The following HDX variants were observed in gnomAD, a reference collection of about 807,000 sequenced individuals.
The protein encoded by HDX is highly divergent homeobox, also known as chromosome X open reading frame 43.
Under a neutral mutation model 45.2 loss-of-function variants are expected in HDX, and 19 were observed. The observed-to-expected ratio is 0.42, with a 90% CI of 0.29 to 0.62. The LOEUF (loss-of-function observed/expected upper bound fraction) is 0.62. Ranked by LOEUF, HDX falls within the 20% of genes least tolerant of loss-of-function variation. The pLI is 0.20. For synonymous variants in HDX, 188 were observed against 172.8 expected, an observed-to-expected ratio of 1.09 and a Z score of -0.69; for missense variants, 532 against 493.9, an observed-to-expected ratio of 1.08 and a Z score of -0.73.
At chrX:84,430,365 T>G (rs935505204) in intron 5 of HDX, among the ~76,000 whole-genome samples, 2 of 111,162 alleles carry the variant, frequency 1.8e-5, no homozygotes. Context: ...TTTCTTATGG[T>G]TGAATAGTAT....
At chrX:84,388,922 C>A (rs995596004) in intron 5 of HDX, among the ~76,000 whole-genome samples, 3 of 111,547 alleles carry the variant, frequency 2.7e-5, no homozygotes, top group African/African-American at 9.8e-5. Context: ...GTGCTTATTT[C>A]TCATCTGAGA....
chrX:84,455,710 A>T (rs2040097512), intron 4 of HDX, among the ~76,000 whole-genome samples: 1 of 111,934 alleles, frequency 8.9e-6, no homozygotes, highest in Non-Finnish European at 1.9e-5. Context: ...ATTAATATTC[A>T]ACTATAAGAA....
intron 5 of HDX, among the ~76,000 whole-genome samples, chrX:84,366,460 T>C (rs1569297619): frequency 8.9e-6 from 1 of 111,797 alleles, no homozygotes; most frequent in East Asian, 2.8e-4. Context: ...ATTGACTTTC[T>C]TCACAAAATT....
At chrX:84,332,088 T>C (rs1022059504) in intron 9 of HDX, among the ~76,000 whole-genome samples, 1 of 111,657 alleles carries the variant, frequency 9.0e-6, no homozygotes, top group African/African-American at 3.2e-5. Flanking sequence ...ATTACTAAAC[T>C]GGTAGAGCTT....
intron 5 of HDX, among the ~76,000 whole-genome samples, chrX:84,417,020 T>A (rs55949941): frequency 0.069 from 7,513 of 108,365 alleles, 322 homozygotes; most frequent in African/African-American, 0.16. Context: ...CCGGGCATGG[T>A]GGTGGGAGCC....
chrX:84,432,807 G>T (rs1207251754), intron 5 of HDX, among the ~76,000 whole-genome samples: 1 of 110,599 alleles, frequency 9.0e-6, no homozygotes, highest in Non-Finnish European at 1.9e-5. Flanking sequence ...TACTTGGATG[G>T]TTTTTATTTC....
chrX:84,492,022 T>A (rs968879495), intron 1 of HDX, among the ~76,000 whole-genome samples: 1 of 111,337 alleles, frequency 9.0e-6, no homozygotes, highest in African/African-American at 3.3e-5. Flanking sequence ...TCTCCTTCAC[T>A]GTGCAATGTT....
At chrX:84,402,499 AT>A (rs764394999) in intron 5 of HDX, among the ~76,000 whole-genome samples, 1 of 111,951 alleles carries the variant, frequency 8.9e-6, no homozygotes, top group African/African-American at 3.2e-5. Context: ...CCTTTTCAGA[AT>A]TTCATATAAA....
At chrX:84,359,118 T>G (rs1043572662) in intron 6 of HDX, among the ~76,000 whole-genome samples, 1 of 111,327 alleles carries the variant, frequency 9.0e-6, no homozygotes, top group African/African-American at 3.3e-5. Flanking sequence ...CTTTCAAAAT[T>G]TTATCTTTTA....
chrX:84,332,632 A>G (rs1225774547), intron 9 of HDX, among the ~76,000 whole-genome samples: 3 of 111,036 alleles, frequency 2.7e-5, no homozygotes, highest in African/African-American at 9.8e-5. Flanking sequence ...AGTTTCCACA[A>G]CCTGTGCCAA....
Position 84,318,653 on chromosome X carries a change from A to T in HDX, c.*3236T>A, listed in dbSNP as rs1188820471. 1 of 111,370 alleles carries T rather than the reference A, an allele frequency of 9.0e-6. No individual in the cohort carries two copies. The highest frequency in any genetic ancestry group is 9.5e-5 in the Admixed American group (1 of 10,479). 9.2% of individuals were successfully genotyped at this position (111,370 alleles called of 1,213,427 possible). A position where few individuals can be genotyped will look rare whatever the true frequency, so the allele number is the denominator to read the frequency against. ...CTTATGTTTTCTCCTACAAACTTAC[A>T]GACTGCTGAATATGAAAGTGCCTCA... On this transcript the variant is annotated 3_prime_UTR_variant, in exon 11 of 11. Transcript: ENST00000373177.
chrX:84,499,328 TAA>T (rs988637998), intron 1 of HDX, among the ~76,000 whole-genome samples: 47 of 111,444 alleles, frequency 4.2e-4, no homozygotes, highest in Non-Finnish European at 2.1e-4. Flanking sequence ...AAACAAGCCT[TAA>T]AAAACGCATG....
chrX:84,420,555 G>C (rs763470810), intron 5 of HDX, among the ~76,000 whole-genome samples: 3 of 112,079 alleles, frequency 2.7e-5, no homozygotes, highest in African/African-American at 9.7e-5. Context: ...TAGAGAAAGA[G>C]ATAGGAGTGC....
In HDX at chrX:84,411,930, A is replaced by AT. The variant is rs776655061; in HGVS notation, c.1305+28601dup. On this transcript the variant is annotated intron_variant, in intron 5 of 10. Transcript: ENST00000373177. ...ACCATTATTTAATGTTCTCCTTTGTATTTTTTTATCATTTTTGGTATAAAT... is the reference window on the plus strand; with the variant it reads ...ACCATTATTTAATGTTCTCCTTTGTATTTTTTTTATCATTTTTGGTATAAAT... Among the ~76,000 whole-genome samples the AT allele has an allele frequency of 6.3e-4, 70 of 110,760 alleles. 1 individual carries two copies. The highest frequency in any genetic ancestry group is 4.7e-3 in the Middle Eastern group (1 of 212).
At chrX:84,325,094 T>A (rs964218188) in intron 10 of HDX, among the ~76,000 whole-genome samples, 7 of 110,816 alleles carry the variant, frequency 6.3e-5, no homozygotes, top group Non-Finnish European at 1.3e-4. Context: ...GTAAAATTCG[T>A]GAAACTTGAC....
At chrX:84,453,671 G>A (rs986151052) in intron 4 of HDX, among the ~76,000 whole-genome samples, 3 of 111,756 alleles carry the variant, frequency 2.7e-5, no homozygotes, top group Non-Finnish European at 5.6e-5. Flanking sequence ...TCCTGGGCAA[G>A]TCCTGGTACT....
chrX:84,457,627 A>G (rs1054673821), intron 4 of HDX, among the ~76,000 whole-genome samples: 1 of 111,774 alleles, frequency 8.9e-6, no homozygotes, highest in African/African-American at 3.2e-5. Flanking sequence ...TTCAGTCTGA[A>G]TTAATACTAT....
In HDX at chrX:84,351,425, T is replaced by C. The variant is rs746135521; in HGVS notation, c.1453-6968A>G. Among the ~76,000 whole-genome samples, 297 of 110,898 alleles carry C rather than the reference T, an allele frequency of 2.7e-3. 2 individuals are homozygous for C. Among genetic ancestry groups the C allele is most frequent in the African/African-American group, 9.4e-3 (287 of 30,488 alleles). The stretch of plus-strand genomic sequence containing the variant: ...GGCATCTAGCTGTTCCACAGCCTGG[T>C]GAGGCAGAAGTCTTGGTCCTCCATT... On this transcript the variant is annotated intron_variant, in intron 6 of 10. Transcript: ENST00000373177.
chrX:84,336,788 A>C lies in HDX; in HGVS notation c.1740+13T>G, dbSNP rs777648086. On this transcript the variant is annotated intron_variant, in intron 8 of 10. Transcript: ENST00000373177. ...AACCATGTAATGAGAAAAGAATTTCAAACTGTACATACCACATTATCTGTG... is the reference window on the plus strand; with the variant it reads ...AACCATGTAATGAGAAAAGAATTTCCAACTGTACATACCACATTATCTGTG... 1.8e-5 allele frequency: 20 copies of C among 1,085,847 alleles called. No homozygotes were observed. Among genetic ancestry groups the C allele is most frequent in the Middle Eastern group, 2.4e-4 (1 of 4,133 alleles). The allele number at this position is 1,085,847 out of a possible 1,213,427, so 89.5% of individuals were successfully genotyped here.
Sources: allele counts gnomAD v4.1 joint callset (sites outside exome capture counted in the v4.1 genomes callset), GRCh38; gene constraint gnomAD v4.1.1; transcripts MANE v1.5; gene names NCBI Gene and HGNC (gene_info 2026-07-23, HGNC 2026-07-21).